Variants in RBFOX1 observed in about 807,000 individuals in gnomAD.
RBFOX1 encodes the protein RNA binding fox-1 homolog 1.
Under a neutral mutation model 57.7 loss-of-function variants are expected in RBFOX1, and 8 were observed. The observed-to-expected ratio is 0.14, with a 90% CI of 0.08 to 0.25. The LOEUF (loss-of-function observed/expected upper bound fraction) is 0.25. Ranked by LOEUF, RBFOX1 falls within the 10% of genes least tolerant of loss-of-function variation. The probability of loss-of-function intolerance (pLI) is 1.00; values close to 1 mark genes in which losing one functional copy is unlikely to be tolerated. For missense variants in RBFOX1, 611 were observed against 548.5 expected (o/e 1.11, Z -1.14); for synonymous variants, 326 against 222.4 (o/e 1.47, Z -4.15).
chr16:5,887,620 C>A (rs181945544), intron 4 of RBFOX1, among the ~76,000 whole-genome samples: 52 of 152,140 alleles, frequency 3.4e-4, no homozygotes, highest in Admixed American at 1.9e-3. Flanking sequence ...GCCAGGCTGG[C>A]CTTGAACTCC....
At chr16:5,367,408 G>T (rs772993797) in intron 1 of RBFOX1, among the ~76,000 whole-genome samples, 1 of 152,174 alleles carries the variant, frequency 6.6e-6, no homozygotes, top group Non-Finnish European at 1.5e-5. Flanking sequence ...GGGACCCACT[G>T]ATGTGGGAGG....
chr16:6,194,564 C>T (rs986532894), intron 1 of RBFOX1, among the ~76,000 whole-genome samples: 3 of 152,158 alleles, frequency 2.0e-5, no homozygotes, highest in Non-Finnish European at 2.9e-5. Flanking sequence ...CCTGGACCCA[C>T]CCCATTCCCT....
chr16:6,581,341 T>TTGTTGGAGATGGTGG (rs2097534740), intron 2 of RBFOX1, among the ~76,000 whole-genome samples: 1 of 152,216 alleles, frequency 6.6e-6, no homozygotes, highest in Admixed American at 6.5e-5. Flanking sequence ...ACCCTTGCCT[T>TTGTTGGAGATGGTGG]CCTCTTTGTT....
intron 1 of RBFOX1, among the ~76,000 whole-genome samples, chr16:5,312,038 CTAGAAGGGGCT>C (rs1320785083): frequency 7.2e-5 from 11 of 152,308 alleles, no homozygotes; most frequent in Admixed American, 7.2e-4. Context: ...CACCTAATAC[CTAGAAGGGGCT>C]CAGGAGGGGC....
chr16:5,715,789 T>C (rs1386109117), intron 3 of RBFOX1, among the ~76,000 whole-genome samples: 1 of 152,192 alleles, frequency 6.6e-6, no homozygotes, highest in Non-Finnish European at 1.5e-5. Context: ...GTAGGAGTAC[T>C]GGCTACAAGG....
At chr16:6,359,152 G>A (rs964085001) in intron 2 of RBFOX1, among the ~76,000 whole-genome samples, 1 of 152,150 alleles carries the variant, frequency 6.6e-6, no homozygotes, top group African/African-American at 2.4e-5. Context: ...GAGTGCAGTG[G>A]CACGATCTCA....
In RBFOX1 at chr16:7,059,698, C is replaced by T. The variant is rs116937218; in HGVS notation, c.27+7600C>T. Among the ~76,000 whole-genome samples the T allele has an allele frequency of 9.2e-3, 1,405 of 152,234 alleles. 10 individuals carry two copies. The highest frequency in any genetic ancestry group is 0.019 in the Admixed American group (283 of 15,290). On this transcript the variant is annotated intron_variant, in intron 4 of 15. Coordinates refer to ENST00000550418, the MANE Select transcript of RBFOX1 (RefSeq NM_018723.4). ...CCCATCTCTTTATAAAGCATATTGG[C>T]AGATGTGCACAGCATCCTATGTAGT...
intron 4 of RBFOX1, among the ~76,000 whole-genome samples, chr16:7,211,669 G>T (rs1263955151): frequency 6.6e-6 from 1 of 152,094 alleles, no homozygotes; most frequent in African/African-American, 2.4e-5. Flanking sequence ...GAACAAGAAT[G>T]TAAGTTACAC....
chr16:5,409,190 A>G (rs1014122247), intron 1 of RBFOX1, among the ~76,000 whole-genome samples: 1 of 152,204 alleles, frequency 6.6e-6, no homozygotes, highest in Non-Finnish European at 1.5e-5. Context: ...GATGTGTGGC[A>G]GGTCTATTTA....
At position 7,093,902 on chromosome 16, in the gene RBFOX1, T is replaced by C. The variant is rs936093618; in HGVS notation, c.27+41804T>C. On this transcript the variant is annotated intron_variant, in intron 4 of 15. Coordinates refer to ENST00000550418, the MANE Select transcript of RBFOX1 (RefSeq NM_018723.4). ...ACACAAAACTCATTGAATATTTGTGTTTAAAGATTCTTGGAAAACATAATG... is the reference window on the plus strand; with the variant it reads ...ACACAAAACTCATTGAATATTTGTGCTTAAAGATTCTTGGAAAACATAATG... 1.3e-5 allele frequency among the ~76,000 whole-genome samples: 2 copies of C among 152,048 alleles called. 1 individual carries two copies. The highest frequency in any genetic ancestry group is 2.9e-5 in the Non-Finnish European group (2 of 68,016).
intron 3 of RBFOX1, among the ~76,000 whole-genome samples, chr16:6,860,275 C>A (rs1449525474): frequency 6.6e-6 from 1 of 152,126 alleles, no homozygotes; most frequent in South Asian, 2.1e-4. Context: ...TGTGGAAATA[C>A]ATTATTTAAT....
chr16:7,522,899 A>G (rs1270280426), intron 5 of RBFOX1, among the ~76,000 whole-genome samples: 1 of 152,204 alleles, frequency 6.6e-6, no homozygotes, highest in Admixed American at 6.5e-5. Context: ...ATTTTTACAA[A>G]TGTACCTGCA....
intron 4 of RBFOX1, among the ~76,000 whole-genome samples, chr16:5,991,059 A>G (rs562822289): frequency 6.6e-6 from 1 of 152,328 alleles, no homozygotes; most frequent in South Asian, 2.1e-4. Flanking sequence ...AATTCTTGTG[A>G]AACAAGGAAA....
chr16:6,373,691 T>C (rs2152899468), intron 2 of RBFOX1, among the ~76,000 whole-genome samples: 1 of 152,238 alleles, frequency 6.6e-6, no homozygotes, highest in East Asian at 1.9e-4. Context: ...ATGGTTTTCA[T>C]GCAAGAGCAT....
At chr16:7,542,378 C>T (rs8052494) in intron 5 of RBFOX1, among the ~76,000 whole-genome samples, 65 of 152,122 alleles carry the variant, frequency 4.3e-4, no homozygotes, top group Admixed American at 3.3e-3. Flanking sequence ...TCCACCCCAC[C>T]TCTTCTGGAT....
At chr16:7,641,966 CA>C (rs2062886114) in intron 11 of RBFOX1, among the ~76,000 whole-genome samples, 2 of 152,100 alleles carry the variant, frequency 1.3e-5, no homozygotes, top group African/African-American at 4.8e-5. Flanking sequence ...TAAAGTCCAC[CA>C]AACCAGATGT....
At chr16:6,095,333 C>A (rs900163625) in intron 1 of RBFOX1, among the ~76,000 whole-genome samples, 5 of 152,196 alleles carry the variant, frequency 3.3e-5, no homozygotes, top group African/African-American at 9.7e-5. Context: ...ATATTTAGGA[C>A]ATCTCCCTTA....
chr16:7,568,457 G>T (rs2092372819), intron 5 of RBFOX1, among the ~76,000 whole-genome samples: 1 of 152,138 alleles, frequency 6.6e-6, no homozygotes, highest in Non-Finnish European at 1.5e-5. Flanking sequence ...ATAATGAACA[G>T]TGAGGATGAC....
chr16:7,062,673 C>G (rs2054753103), intron 4 of RBFOX1, among the ~76,000 whole-genome samples: 2 of 152,114 alleles, frequency 1.3e-5, no homozygotes, highest in South Asian at 4.1e-4. Context: ...TCCTGAGACT[C>G]TGAATATTGA....
Sources: allele counts gnomAD v4.1 joint callset (sites outside exome capture counted in the v4.1 genomes callset), GRCh38; gene constraint gnomAD v4.1.1; transcripts MANE v1.5; gene names NCBI Gene and HGNC (gene_info 2026-07-23, HGNC 2026-07-21).